Variants in TLN2 observed in about 807,000 individuals in gnomAD.
TLN2 encodes the protein talin 2.
In TLN2, 118 loss-of-function variants were observed where a neutral mutation model predicts 294.7. The ratio of observed to expected loss-of-function variants is 0.40; its 90% CI spans 0.34 to 0.47. The LOEUF is 0.47. Among genes scored for constraint, TLN2 ranks in the 20% least tolerant of loss-of-function variants. The pLI, the probability that TLN2 is intolerant of heterozygous loss-of-function variation, is 0.84. For synonymous variants in TLN2, 1,431 were observed against 1,304.5 expected, an observed-to-expected ratio of 1.10 and a Z score of -2.09; for missense variants, 3,083 against 3,282.2, an observed-to-expected ratio of 0.94 and a Z score of 1.48.
intron 1 of TLN2, among the ~76,000 whole-genome samples, chr15:62,432,809 T>A (rs1013029270): frequency 1.3e-5 from 2 of 152,092 alleles, no homozygotes; most frequent in Non-Finnish European, 2.9e-5. Context: ...CTAGAATGCA[T>A]ATTTATAGAG....
chr15:62,816,718 T>C (rs912252045), intron 52 of TLN2, among the ~76,000 whole-genome samples: 1 of 152,226 alleles, frequency 6.6e-6, no homozygotes, highest in African/African-American at 2.4e-5. Flanking sequence ...GTCCGCACCA[T>C]ACCTTTAACC....
chr15:62,561,853 T>C (rs1025762221), intron 1 of TLN2, among the ~76,000 whole-genome samples: 1 of 152,102 alleles, frequency 6.6e-6, no homozygotes, highest in Admixed American at 6.5e-5. Context: ...CCACTTTTTC[T>C]TTCCTTTTTT....
At chr15:62,437,384 G>A (rs558332011) in intron 1 of TLN2, among the ~76,000 whole-genome samples, 1 of 152,014 alleles carries the variant, frequency 6.6e-6, no homozygotes, top group South Asian at 2.1e-4. Flanking sequence ...CAGCTAGCTG[G>A]GACTATAAGT....
rs187454066 is a variant in TLN2 at position 62,698,877 on chromosome 15, G to C, written c.1587+10G>C. On this transcript the variant is annotated intron_variant, in intron 16 of 58. Transcript: ENST00000636159. The stretch of plus-strand genomic sequence containing the variant: ...TCTCGGCCAGGATATGGTAAATACT[G>C]TTCAGTGGTTTTCATGCCAAGTCTC... 1.3e-5 allele frequency: 21 copies of C among 1,609,544 alleles called. No individual in the cohort carries two copies. The East Asian group carries it at 4.5e-4, about 34-fold the overall frequency.
intron 1 of TLN2, among the ~76,000 whole-genome samples, chr15:62,447,926 A>G (rs1286081791): frequency 3.9e-5 from 6 of 152,188 alleles, no homozygotes; most frequent in African/African-American, 9.7e-5. Flanking sequence ...ACAGGCTACA[A>G]ATGAGGTGCT....
chr15:62,492,695 G>A (rs569234208), intron 1 of TLN2, among the ~76,000 whole-genome samples: 1 of 151,896 alleles, frequency 6.6e-6, no homozygotes, highest in Non-Finnish European at 1.5e-5. Context: ...GATTCAGAAT[G>A]TCCCAAACTG....
chr15:62,561,446 CCTT>C (rs1179523118), intron 1 of TLN2: 1 of 152,238 alleles, frequency 6.6e-6, no homozygotes, highest in East Asian at 1.9e-4. Flanking sequence ...AATTAAGATG[CCTT>C]CTTTAGGGTC....
In TLN2 at chr15:62,657,907, C is replaced by G. The variant is rs770135583; in HGVS notation, c.788+9C>G. 2.5e-6 allele frequency: 4 copies of G among 1,606,768 alleles called. No homozygotes were observed. The highest frequency in any genetic ancestry group is 2.2e-5 in the East Asian group (1 of 44,694). On this transcript the variant is annotated intron_variant, in intron 9 of 58. Transcript: ENST00000636159. ...AAACCTGGATTTTTAGAGTAAATGA[C>G]ATTTTGTTTCTCTTTTTTCTCTTTT...
intron 45 of TLN2, among the ~76,000 whole-genome samples, chr15:62,791,041 C>A (rs1052985886): frequency 1.6e-4 from 25 of 152,172 alleles, no homozygotes; most frequent in African/African-American, 5.1e-4. Flanking sequence ...AAAAGAGCAG[C>A]AGCTTGGCTG....
intron 2 of TLN2, among the ~76,000 whole-genome samples, chr15:62,608,953 A>G (rs4775518): frequency 0.29 from 44,517 of 151,558 alleles, 7,001 homozygotes; most frequent in East Asian, 0.59. Context: ...GGGTAATAGG[A>G]GGTCTGTTTG....
At chr15:62,839,409 A>G (rs1596225520) in intron 58 of TLN2, among the ~76,000 whole-genome samples, 1 of 152,226 alleles carries the variant, frequency 6.6e-6, no homozygotes, top group Admixed American at 6.5e-5. Flanking sequence ...GTAGAAAGGA[A>G]GAAGAGCAAA....
At chr15:62,484,339 C>T (rs1252409022) in intron 1 of TLN2, among the ~76,000 whole-genome samples, 7 of 152,082 alleles carry the variant, frequency 4.6e-5, no homozygotes, top group Admixed American at 1.3e-4. Context: ...GAAACAAGAG[C>T]AGATGGTACC....
intron 33 of TLN2, among the ~76,000 whole-genome samples, chr15:62,749,560 CCT>C (rs1472188851): frequency 1.3e-5 from 2 of 152,074 alleles, no homozygotes; most frequent in Non-Finnish European, 2.9e-5. Context: ...CTTACACTGC[CCT>C]CTTTCCCTCC....
chr15:62,587,081 T>A (rs1314648967), intron 1 of TLN2, among the ~76,000 whole-genome samples: 1 of 152,120 alleles, frequency 6.6e-6, no homozygotes, highest in Admixed American at 6.5e-5. Flanking sequence ...GGTTATAGAG[T>A]ATCTTAGGGA....
intron 57 of TLN2, 123 bp downstream of exon 57, chr15:62,836,196 G>A (rs956521685): frequency 4.5e-5 from 62 of 1,370,702 alleles, no homozygotes; most frequent in African/African-American, 8.6e-5. Flanking sequence ...CCCTGTCCAC[G>A]TTCCAGCCTC....
rs1271425516 is a variant in TLN2, at chr15:62,653,186, C to T, written c.389C>T (p.Ser130Phe). 3 of 1,593,266 alleles carry T rather than the reference C, an allele frequency of 1.9e-6. No individual in the cohort carries two copies. Among genetic ancestry groups the T allele is most frequent in the Non-Finnish European group, 2.6e-6 (3 of 1,169,558 alleles). The change falls in exon 7 of 59, where the codon TCC (serine) becomes TTC (phenylalanine). Residue 130 changes from serine (S) to phenylalanine (F), a missense_variant. By Grantham distance (155) the Ser-to-Phe change is radical. Transcript: ENST00000636159. ...GGAATAACAAATTATGAAGAATACT[C>T]CTTAATCCAAGAAACTATTGAAGAA... is the stretch of plus-strand genomic sequence containing the variant. ...RIGITNYEEY[S>F]LIQETIEEKK... is the part of the protein sequence containing the mutation.
intron 1 of TLN2, among the ~76,000 whole-genome samples, chr15:62,565,974 A>G (rs2043360278): frequency 6.6e-6 from 1 of 151,854 alleles, no homozygotes; most frequent in Admixed American, 6.6e-5. Flanking sequence ...CTGCATCTGT[A>G]AAATGAGGAT....
intron 1 of TLN2, among the ~76,000 whole-genome samples, chr15:62,554,893 T>G (rs1478003403): frequency 6.6e-6 from 1 of 152,144 alleles, no homozygotes; most frequent in Non-Finnish European, 1.5e-5. Flanking sequence ...TGGAGAAAAC[T>G]TAAGGGTCTG....
At chr15:62,730,029 CTTTTT>C (rs11368681) in intron 28 of TLN2, among the ~76,000 whole-genome samples, 1 of 121,172 alleles carries the variant, frequency 8.3e-6, no homozygotes, top group African/African-American at 3.2e-5. Context: ...TTATTGTTGT[CTTTTT>C]TTTTTTTTTT....
Sources: allele counts gnomAD v4.1 joint callset (sites outside exome capture counted in the v4.1 genomes callset), GRCh38; gene constraint gnomAD v4.1.1; transcripts MANE v1.5; gene names NCBI Gene and HGNC (gene_info 2026-07-23, HGNC 2026-07-21).